The following CSNK1G1 variants were observed in gnomAD, a reference collection of about 807,000 sequenced individuals.
The protein encoded by CSNK1G1 is casein kinase 1 gamma 1.
Under a neutral mutation model 59.6 loss-of-function variants are expected in CSNK1G1, and 22 were observed. The observed-to-expected ratio is 0.37, with a 90% CI of 0.26 to 0.53. CSNK1G1 has a LOEUF of 0.53. CSNK1G1 is among the 20% of genes least tolerant of loss of function. The probability of loss-of-function intolerance (pLI) is 0.89; values close to 1 mark genes in which losing one functional copy is unlikely to be tolerated. For missense variants in CSNK1G1, 384 were observed against 519.5 expected (o/e 0.74, Z 2.54); for synonymous variants, 179 against 177.1 (o/e 1.01, Z -0.08).
intron 2 of CSNK1G1, among the ~76,000 whole-genome samples, chr15:64,279,247 A>C (rs148964889): frequency 1.2e-3 from 176 of 152,376 alleles, no homozygotes; most frequent in Non-Finnish European, 2.1e-3. Context: ...CATTTTCAGC[A>C]TACCAGTAGG....
intron 4 of CSNK1G1, among the ~76,000 whole-genome samples, chr15:64,234,806 T>C (rs985620025): frequency 2.0e-5 from 3 of 152,092 alleles, no homozygotes; most frequent in African/African-American, 7.2e-5. Flanking sequence ...GCCCATGTGG[T>C]TCTGTACCCA....
chr15:64,275,086 AGGCTGGAGTGCAGT>A (rs1893531003), intron 2 of CSNK1G1, among the ~76,000 whole-genome samples: 1 of 152,176 alleles, frequency 6.6e-6, no homozygotes, highest in Non-Finnish European at 1.5e-5. Flanking sequence ...TATGTTGCCC[AGGCTGGAGTGCAGT>A]GGCATGATCT....
chr15:64,307,034 T>C (rs1596253459), intron 1 of CSNK1G1, among the ~76,000 whole-genome samples: 1 of 152,284 alleles, frequency 6.6e-6, no homozygotes, highest in African/African-American at 2.4e-5. Flanking sequence ...GCAGGAAAAC[T>C]ATTCTGTATG....
chr15:64,233,231 GC>G (rs1280911101), intron 4 of CSNK1G1, among the ~76,000 whole-genome samples: 5 of 152,142 alleles, frequency 3.3e-5, no homozygotes, highest in Admixed American at 2.0e-4. Flanking sequence ...ATGTATGAAG[GC>G]CAAACAATTT....
intron 2 of CSNK1G1, among the ~76,000 whole-genome samples, chr15:64,269,790 G>C (rs150415481): frequency 6.6e-6 from 1 of 150,818 alleles, no homozygotes; most frequent in Non-Finnish European, 1.5e-5. Context: ...CACCATGCCC[G>C]GCCTCTGATG....
chr15:64,268,141 T>A (rs1893082240), intron 2 of CSNK1G1, among the ~76,000 whole-genome samples: 1 of 152,126 alleles, frequency 6.6e-6, no homozygotes, highest in Admixed American at 6.5e-5. Flanking sequence ...AATAGAATAC[T>A]ATTCAGCTAT....
chr15:64,199,413 A>C (rs2082079970), intron 10 of CSNK1G1, among the ~76,000 whole-genome samples: 1 of 152,314 alleles, frequency 6.6e-6, no homozygotes, highest in Admixed American at 6.5e-5. Flanking sequence ...CTTTTCATTT[A>C]AAAGTACATT....
chr15:64,289,825 G>A (rs1894639488), intron 2 of CSNK1G1, among the ~76,000 whole-genome samples: 1 of 151,912 alleles, frequency 6.6e-6, no homozygotes. Flanking sequence ...TTTTTCAAAT[G>A]AAGACATACA....
At chr15:64,278,412 GTGTGTGTATATA>G (rs1355131081) in intron 2 of CSNK1G1, among the ~76,000 whole-genome samples, 7 of 110,414 alleles carry the variant, frequency 6.3e-5, no homozygotes, top group African/African-American at 2.5e-4. Flanking sequence ...GTGTGTGTGT[GTGTGTGTATATA>G]TATATATATT....
At chr15:64,258,843 ATCAGT>A (rs1892536144) in intron 3 of CSNK1G1, among the ~76,000 whole-genome samples, 1 of 152,164 alleles carries the variant, frequency 6.6e-6, no homozygotes, top group Non-Finnish European at 1.5e-5. Context: ...CAAAAAATAA[ATCAGT>A]TAAGTTAGAG....
intron 11 of CSNK1G1, among the ~76,000 whole-genome samples, chr15:64,177,106 G>C (rs966241459): frequency 1.2e-4 from 18 of 152,308 alleles, no homozygotes; most frequent in Middle Eastern, 3.4e-3. Flanking sequence ...TGTTCGTTTT[G>C]TACACAGAAC....
intron 4 of CSNK1G1, among the ~76,000 whole-genome samples, chr15:64,243,163 CTG>C (rs1479948519): frequency 6.6e-6 from 1 of 152,102 alleles, no homozygotes; most frequent in Admixed American, 6.6e-5. Context: ...TGGTGATACC[CTG>C]TCTCTACTAA....
At chr15:64,287,470 G>T (rs1020475922) in intron 2 of CSNK1G1, among the ~76,000 whole-genome samples, 2 of 152,026 alleles carry the variant, frequency 1.3e-5, no homozygotes, top group Non-Finnish European at 2.9e-5. Flanking sequence ...GTGAACCATG[G>T]TTAGGACTTT....
intron 2 of CSNK1G1, among the ~76,000 whole-genome samples, chr15:64,264,068 T>C (rs12917152): frequency 0.011 from 1,674 of 152,286 alleles, 15 homozygotes; most frequent in Non-Finnish European, 0.015. Flanking sequence ...ACTTGATATA[T>C]GTAGAAAGTT....
intron 10 of CSNK1G1, chr15:64,181,755 G>A: frequency 9.4e-6 from 2 of 212,184 alleles, no homozygotes; most frequent in Non-Finnish European, 1.9e-5. Flanking sequence ...TGTTTACTGT[G>A]CAGACAACCC....
At chr15:64,298,471 A>G (rs1322456800) in intron 2 of CSNK1G1, among the ~76,000 whole-genome samples, 1 of 152,242 alleles carries the variant, frequency 6.6e-6, no homozygotes, top group East Asian at 1.9e-4. Flanking sequence ...TAGAAAGTAA[A>G]GCAGTAATTA....
rs1200628905 is a variant in CSNK1G1 at position 64,282,421 on chromosome 15, T to C, written c.181+17898A>G. ...CTGGGATTACAGGCATGTGCCACCA[T>C]GCCTGGTTAATTTTTATATCTTTTT... On this transcript the variant is annotated intron_variant, in intron 2 of 11. Coordinates refer to ENST00000303052, the MANE Select transcript of CSNK1G1 (RefSeq NM_022048.5). Among the ~76,000 whole-genome samples, 3 of 152,148 alleles carry C rather than the reference T, an allele frequency of 2.0e-5. No homozygotes were observed. In the East Asian group the frequency reaches 5.8e-4, roughly 29 times the overall value.
intron 2 of CSNK1G1, chr15:64,265,788 G>T (rs887553735): frequency 4.4e-6 from 2 of 456,274 alleles, no homozygotes; most frequent in Non-Finnish European, 8.8e-6. Context: ...ATATCCATTG[G>T]AAGAAAATTG....
At chr15:64,274,813 A>C (rs1430261331) in intron 2 of CSNK1G1, among the ~76,000 whole-genome samples, 1 of 152,176 alleles carries the variant, frequency 6.6e-6, no homozygotes, top group Non-Finnish European at 1.5e-5. Context: ...CATACTGATA[A>C]AGGAACATAC....
Sources: allele counts gnomAD v4.1 joint callset (sites outside exome capture counted in the v4.1 genomes callset), GRCh38; gene constraint gnomAD v4.1.1; transcripts MANE v1.5; gene names NCBI Gene and HGNC (gene_info 2026-07-23, HGNC 2026-07-21).